The following XPC variants were observed in gnomAD, a reference collection of about 807,000 sequenced individuals.
XPC encodes XPC complex subunit, DNA damage recognition and repair factor.
In XPC, 76 loss-of-function variants were observed where a neutral mutation model predicts 95.8. The ratio of observed to expected loss-of-function variants is 0.79; its 90% confidence interval spans 0.66 to 0.96. The LOEUF (loss-of-function observed/expected upper bound fraction) is 0.96, where lower values mean the gene tolerates loss of function less well. Among genes scored for constraint, XPC ranks in the 40% least tolerant of loss-of-function variants. XPC has a pLI of 0.00. For missense variants in XPC, 1,146 were observed against 1,179.8 expected (o/e 0.97, Z 0.42); for synonymous variants, 442 against 442.1 (o/e 1.00, Z 0.00).
intron 14 of XPC, 78 bp downstream of exon 14, chr3:14,147,830 G>A (rs1000245836): frequency 2.7e-5 from 36 of 1,321,186 alleles, no homozygotes; most frequent in Non-Finnish European, 3.1e-5. Context: ...ACACGGAGGC[G>A]GCCTGGGGAA....
rs547868277 is a variant in XPC at position 14,145,346 on chromosome 3, A to T, written c.*595T>A. The T allele has an allele frequency of 1.4e-6, 1 of 699,942 alleles. No homozygotes were observed. Among genetic ancestry groups the T allele is most frequent in the South Asian group, 1.5e-5 (1 of 67,368 alleles). 43.4% of individuals were successfully genotyped at this position (699,942 alleles called of 1,614,324 possible). ...GCTTTTTTTAGGCTTCTGTCACCAC[A>T]AAATGTTACTTGGAAAACTAGATCC... On this transcript the variant is annotated 3_prime_UTR_variant, in exon 16 of 16. Coordinates refer to ENST00000285021, the MANE Select transcript of XPC (RefSeq NM_004628.5).
At chr3:14,155,005 G>A (rs887324161) in intron 10 of XPC, among the ~76,000 whole-genome samples, 20 of 152,120 alleles carry the variant, frequency 1.3e-4, no homozygotes, top group African/African-American at 3.1e-4. Flanking sequence ...CCGACTACCC[G>A]TACATACCCA....
rs372786127 is a variant in XPC at position 14,148,684 on chromosome 3, C to T, written c.2298G>A (p.Met766Ile). 1.9e-6 allele frequency: 3 copies of T among 1,614,040 alleles called. No homozygotes were observed. Among genetic ancestry groups the T allele is most frequent in the Non-Finnish European group, 2.5e-6 (3 of 1,179,896 alleles). The change falls in exon 13 of 16, where the codon ATG (methionine) becomes ATA (isoleucine). Residue 766 changes from methionine (M) to isoleucine (I), a missense_variant. Coordinates refer to ENST00000285021, the MANE Select transcript of XPC (RefSeq NM_004628.5). The stretch of plus-strand genomic sequence containing the variant: ...TCAGCTGGACACAGCCAATAGGCAT[C>T]ATGCTGGGCAGGAAGAGGTACACAT... Reference protein sequence around the residue: ...FGNVYLFLPSMMPIGCVQLNL... With the variant: ...FGNVYLFLPSIMPIGCVQLNL...
chr3:14,158,610 C>T lies in XPC; in HGVS notation c.1273G>A (p.Ala425Thr). ...TCCTCTTTATAAGACACCCTGGAGG[C>T]CACCCGCCGCTCCCGGCCATGCGGA... ...RRPHGRERRV[A>T]SRVSYKEESG... The change falls in exon 9 of 16, where the codon GCC (alanine) becomes ACC (threonine). Residue 425 changes from alanine (A) to threonine (T), a missense_variant. Coordinates refer to ENST00000285021, the MANE Select transcript of XPC (RefSeq NM_004628.5). The surrounding 1 kb of genome is among the most constrained non-coding windows in gnomAD (Gnocchi z 5.2). 1 of 1,613,818 alleles carries T rather than the reference C, an allele frequency of 6.2e-7. No homozygotes were observed. Among genetic ancestry groups the T allele is most frequent in the Non-Finnish European group, 8.5e-7 (1 of 1,179,882 alleles).
At chr3:14,152,128 T>C in intron 11 of XPC, 1 of 527,088 alleles carries the variant, frequency 1.9e-6, no homozygotes, top group South Asian at 2.6e-5. Flanking sequence ...TTTTGGAAGA[T>C]CCATTTCTTA....
chr3:14,155,476 T>G (rs1367765066), intron 10 of XPC, among the ~76,000 whole-genome samples: 1 of 152,258 alleles, frequency 6.6e-6, no homozygotes, highest in East Asian at 1.9e-4. Context: ...ATTTTATTCA[T>G]TTTTTGCTCT....
At position 14,165,713 on chromosome 3, in the gene XPC, T is replaced by C. The variant is rs147334835; in HGVS notation, c.622-128A>G. 224 of 1,134,580 alleles carry C rather than the reference T, an allele frequency of 2.0e-4. No individual in the cohort carries two copies. In the African/African-American group the frequency reaches 3.3e-3, roughly 17 times the overall value. The allele number at this position is 1,134,580 out of a possible 1,614,324, so 70.3% of individuals were successfully genotyped here. ...GTTGCCATTTCTACATATAAGAAAGTAAAAACACTAGCATTGGCCACTTCC... is the reference window on the plus strand; with the variant it reads ...GTTGCCATTTCTACATATAAGAAAGCAAAAACACTAGCATTGGCCACTTCC... On this transcript the variant is annotated intron_variant, in intron 5 of 15. Transcript: ENST00000285021.
At chr3:14,175,606 A>G (rs557771078) in intron 1 of XPC, among the ~76,000 whole-genome samples, 2 of 152,374 alleles carry the variant, frequency 1.3e-5, no homozygotes, top group East Asian at 3.9e-4. Flanking sequence ...ATTAATGGAT[A>G]TCACTGAAGG....
At position 14,178,563 on chromosome 3, in the gene XPC, A is replaced by G; in HGVS notation, c.6T>C (p.Ala2=). 6.2e-7 allele frequency: 1 copy of G among 1,612,628 alleles called. No homozygotes were observed. Among genetic ancestry groups the G allele is most frequent in the Non-Finnish European group, 8.5e-7 (1 of 1,179,160 alleles). The change falls in exon 1 of 16, where the codon GCT becomes GCC. Residue 2 remains alanine, a synonymous_variant. Transcript: ENST00000285021. M[A]RKRAAGGEPR... ...GCTCCCCGCCGGCCGCGCGTTTCCG[A>G]GCCATGTTGCTTGTCTGGGCAAATT...
chr3:14,178,315 G>T, intron 1 of XPC, 151 bp downstream of exon 1: 1 of 870,072 alleles, frequency 1.1e-6, no homozygotes, highest in Non-Finnish European at 1.7e-6. Context: ...CAGCGGGGAG[G>T]GCCGGCCGCA....
At position 14,147,393 on chromosome 3, in the gene XPC, T is replaced by C. The variant is rs1260846237; in HGVS notation, c.2515-14A>G. 2 of 1,595,178 alleles carry C rather than the reference T, an allele frequency of 1.3e-6. No homozygotes were observed. Among genetic ancestry groups the C allele is most frequent in the South Asian group, 1.1e-5 (1 of 87,566 alleles). The stretch of plus-strand genomic sequence containing the variant: ...CTTCTCCTTTTTCTGCAGGCAAAAA[T>C]GAAGTGGGAGAAAAGTGTTAAGCAC... On this transcript the variant is annotated splice_polypyrimidine_tract_variant and intron_variant, in intron 14 of 15. Transcript: ENST00000285021.
intron 1 of XPC, chr3:14,178,218 G>C (rs1559387761): frequency 1.9e-6 from 1 of 522,868 alleles, no homozygotes; most frequent in East Asian, 3.3e-5. Flanking sequence ...CTGGACAACG[G>C]GGAGCGGGAA....
Position 14,156,357 on chromosome 3 carries a change from GACAAT to G in XPC, c.2006_2010del (p.Tyr669SerfsTer42). The G allele has an allele frequency of 6.2e-7, 1 of 1,613,712 alleles. No homozygotes were observed. Among genetic ancestry groups the G allele is most frequent in the Non-Finnish European group, 8.5e-7 (1 of 1,179,784 alleles). ...CACCTGGAGTAGACCGCTTCTCCAC[GACAAT>G]ACCCAAGGATGGCAGCTGTCTCGGG... On this transcript the variant is annotated frameshift_variant, in exon 10 of 16. Coordinates refer to ENST00000285021, the MANE Select transcript of XPC (RefSeq NM_004628.5). LOFTEE classifies it high-confidence loss of function.
At chr3:14,152,523 C>A in intron 10 of XPC, 107 bp from the exon 11 acceptor site, 1 of 1,098,738 alleles carries the variant, frequency 9.1e-7, no homozygotes, top group South Asian at 1.7e-5. Flanking sequence ...CAGGTTCAGC[C>A]ACCCTGGAGC....
intron 10 of XPC, among the ~76,000 whole-genome samples, chr3:14,155,333 G>C (rs993434480): frequency 6.6e-6 from 1 of 151,864 alleles, no homozygotes; most frequent in African/African-American, 2.4e-5. Flanking sequence ...CCTATTTCTT[G>C]GTCTTGTACA....
At chr3:14,164,163 T>C (rs1696277888) in intron 7 of XPC, among the ~76,000 whole-genome samples, 1 of 152,242 alleles carries the variant, frequency 6.6e-6, no homozygotes, top group African/African-American at 2.4e-5. Flanking sequence ...ACTAAAGATG[T>C]CAACCATCTT....
chr3:14,151,256 A>G (rs1360674077), intron 11 of XPC: 1 of 152,236 alleles, frequency 6.6e-6, no homozygotes, highest in Non-Finnish European at 1.5e-5. Flanking sequence ...ATGGATTTAA[A>G]TATCTCATCA....
chr3:14,164,672 G>A, intron 7 of XPC, 141 bp downstream of exon 7: 1 of 807,288 alleles, frequency 1.2e-6, no homozygotes, highest in Non-Finnish European at 1.9e-6. Context: ...GCTATTCTGG[G>A]CTTCAGCAGC....
In XPC at chr3:14,158,871, T is replaced by C; in HGVS notation, c.1012A>G (p.Arg338Gly). The change falls in exon 9 of 16, where the codon AGA (arginine) becomes GGA (glycine). Residue 338 changes from arginine (R) to glycine (G), a missense_variant. Coordinates refer to ENST00000285021, the MANE Select transcript of XPC (RefSeq NM_004628.5). The surrounding 1 kb of genome is among the most constrained non-coding windows in gnomAD (Gnocchi z 5.2). The part of the protein sequence containing the change: ...TAKGKKPSKE[R>G]LTADPGGSSE... ...GAGCCTCCTGGATCCGCAGTCAATC[T>C]TTCCTTGGAAGGTTTCTTTCCCTTA... is the stretch of plus-strand genomic sequence containing the variant. The C allele has an allele frequency of 6.2e-7, 1 of 1,614,004 alleles. No individual in the cohort carries two copies. Among genetic ancestry groups the C allele is most frequent in the South Asian group, 1.1e-5 (1 of 91,076 alleles).
Sources: allele counts gnomAD v4.1 joint callset (sites outside exome capture counted in the v4.1 genomes callset), GRCh38; gene constraint gnomAD v4.1.1; non-coding constraint Gnocchi (gnomAD v3.1); transcripts MANE v1.5; gene names NCBI Gene and HGNC (gene_info 2026-07-23, HGNC 2026-07-21).